PTPRK: variants seen among roughly 807,000 people sequenced by gnomAD.
The protein encoded by PTPRK is receptor-type tyrosine-protein phosphatase kappa.
A neutral mutation model predicts 178.0 loss-of-function variants in PTPRK; 75 were observed. The ratio of observed to expected loss-of-function variants is 0.42; its 90% CI spans 0.35 to 0.51. The LOEUF (loss-of-function observed/expected upper bound fraction) is 0.51. Among genes scored for constraint, PTPRK ranks in the 20% least tolerant of loss-of-function variants. PTPRK has a pLI of 0.02. For synonymous variants in PTPRK, 637 were observed against 620.6 expected (o/e 1.03, Z -0.39); for missense variants, 1,441 against 1,797.8 (o/e 0.80, Z 3.59).
At chr6:128,393,762 T>C (rs1839929331) in intron 2 of PTPRK, among the ~76,000 whole-genome samples, 3 of 152,224 alleles carry the variant, frequency 2.0e-5, no homozygotes, top group Admixed American at 1.3e-4. Context: ...TTTATATCTT[T>C]TGTTCTAATC....
intron 6 of PTPRK, among the ~76,000 whole-genome samples, chr6:128,200,275 T>C (rs1805673923): frequency 6.6e-6 from 1 of 152,198 alleles, no homozygotes; most frequent in South Asian, 2.1e-4. Flanking sequence ...AACATCTCTC[T>C]AGGTAAGGTA....
intron 2 of PTPRK, among the ~76,000 whole-genome samples, chr6:128,345,931 A>G (rs79627535): frequency 0.038 from 5,763 of 152,266 alleles, 383 homozygotes; most frequent in African/African-American, 0.13. Flanking sequence ...ACTACAAAGG[A>G]AAGTGGTAGG....
intron 3 of PTPRK, among the ~76,000 whole-genome samples, chr6:128,309,900 T>TTA (rs1826981853): frequency 6.6e-6 from 1 of 152,000 alleles, no homozygotes. Flanking sequence ...ATCTCCCTTA[T>TTA]CCACTGTCTT....
chr6:128,186,038 T>C (rs2114702802), intron 6 of PTPRK, among the ~76,000 whole-genome samples: 1 of 152,218 alleles, frequency 6.6e-6, no homozygotes. Flanking sequence ...AATAAGATTA[T>C]CTGGTCTGTA....
At chr6:128,181,208 G>A (rs897603190) in intron 7 of PTPRK, among the ~76,000 whole-genome samples, 1 of 151,772 alleles carries the variant, frequency 6.6e-6, no homozygotes, top group Non-Finnish European at 1.5e-5. Flanking sequence ...TGACTTGCTG[G>A]AAAATTATTT....
At chr6:128,258,524 T>C (rs1817687586) in intron 3 of PTPRK, among the ~76,000 whole-genome samples, 1 of 152,216 alleles carries the variant, frequency 6.6e-6, no homozygotes, top group Non-Finnish European at 1.5e-5. Flanking sequence ...ACTTTTTTCA[T>C]TGTATATGTA....
At chr6:128,131,958 T>C (rs1190286040) in intron 7 of PTPRK, among the ~76,000 whole-genome samples, 1 of 152,142 alleles carries the variant, frequency 6.6e-6, no homozygotes, top group Non-Finnish European at 1.5e-5. Context: ...TTTAAACAAA[T>C]TAGTCCCATT....
At chr6:128,339,006 T>C (rs904036380) in intron 2 of PTPRK, among the ~76,000 whole-genome samples, 2 of 152,188 alleles carry the variant, frequency 1.3e-5, no homozygotes, top group African/African-American at 4.8e-5. Context: ...AATGCTATTA[T>C]GTTTTTTGCT....
At chr6:128,248,543 A>T (rs1373799585) in intron 3 of PTPRK, among the ~76,000 whole-genome samples, 1 of 152,180 alleles carries the variant, frequency 6.6e-6, no homozygotes, top group Non-Finnish European at 1.5e-5. Context: ...CTTATTAATA[A>T]AAGAGTATCT....
intron 6 of PTPRK, among the ~76,000 whole-genome samples, chr6:128,197,111 T>C (rs1212384685): frequency 2.0e-5 from 3 of 152,078 alleles, no homozygotes; most frequent in African/African-American, 7.2e-5. Context: ...GAGATCTCCA[T>C]ATTGTAACTG....
chr6:128,132,456 G>T (rs973798239), intron 7 of PTPRK, among the ~76,000 whole-genome samples: 1 of 152,234 alleles, frequency 6.6e-6, no homozygotes, highest in African/African-American at 2.4e-5. Context: ...ATAGGCGTAA[G>T]CCACAGCGCC....
chr6:128,161,131 G>C (rs939004953), intron 7 of PTPRK, among the ~76,000 whole-genome samples: 1 of 151,584 alleles, frequency 6.6e-6, no homozygotes, highest in Non-Finnish European at 1.5e-5. Context: ...CAACTTCTTA[G>C]CCCATGTTTA....
At chr6:128,363,735 C>T (rs1326082155) in intron 2 of PTPRK, among the ~76,000 whole-genome samples, 4 of 152,132 alleles carry the variant, frequency 2.6e-5, no homozygotes, top group African/African-American at 7.2e-5. Context: ...CAAATCATAG[C>T]TAAGTAAAAA....
chr6:128,188,102 G>T (rs184115530), intron 6 of PTPRK, among the ~76,000 whole-genome samples: 2 of 152,216 alleles, frequency 1.3e-5, no homozygotes, highest in African/African-American at 2.4e-5. Context: ...TGTACAGGAG[G>T]TATCAAATGA....
intron 3 of PTPRK, among the ~76,000 whole-genome samples, chr6:128,309,767 A>AT (rs951536777): frequency 1.4e-4 from 20 of 142,366 alleles, no homozygotes; most frequent in African/African-American, 4.0e-4. Flanking sequence ...AGATATTCTG[A>AT]TTTTTTTTAT....
At position 128,089,615 on chromosome 6, in the gene PTPRK, T is replaced by C. The variant is rs931810904; in HGVS notation, c.1465+75A>G. 1.5e-5 allele frequency: 21 copies of C among 1,388,414 alleles called. No individual in the cohort carries two copies. The South Asian group carries it at 2.2e-4, about 14-fold the overall frequency. The allele number at this position is 1,388,414 out of a possible 1,614,324, so 86.0% of individuals were successfully genotyped here. A position where few individuals can be genotyped will look rare whatever the true frequency, so the allele number is the denominator to read the frequency against. On this transcript the variant is annotated intron_variant, in intron 8 of 29. Coordinates refer to ENST00000368226, the MANE Select transcript of PTPRK (RefSeq NM_002844.4). Reference sequence around the variant, plus strand: ...AATCCAATTCAGTATTGGACAATCTTAGGAAAATCTTAAAGTAATCACATT... The same window carrying C: ...AATCCAATTCAGTATTGGACAATCTCAGGAAAATCTTAAAGTAATCACATT...
chr6:128,194,269 G>A (rs527702493), intron 6 of PTPRK, among the ~76,000 whole-genome samples: 42 of 151,550 alleles, frequency 2.8e-4, no homozygotes, highest in African/African-American at 8.9e-4. Context: ...TGTATTTTTC[G>A]TACAGACGGG....
In PTPRK at chr6:128,322,039, C is replaced by T; in HGVS notation, c.495G>A (p.Gln165=). The change falls in exon 3 of 30, where the codon CAG becomes CAA. Residue 165 remains glutamine, a splice_region_variant and synonymous_variant. Transcript: ENST00000368226. ...ACACCAGAAAAGTACAGATGATTACCTGATATTCATTGGGCCAAAAGGTGC... is the reference window on the plus strand; with the variant it reads ...ACACCAGAAAAGTACAGATGATTACTTGATATTCATTGGGCCAAAAGGTGC... ...AVSTFWPNEY[Q]VIFEAEVSGG... is the part of the protein sequence containing the mutation. 6.2e-7 allele frequency: 1 copy of T among 1,613,756 alleles called. No homozygotes were observed.
intron 13 of PTPRK, among the ~76,000 whole-genome samples, chr6:128,058,705 C>T (rs1780313466): frequency 6.6e-6 from 1 of 151,588 alleles, no homozygotes; most frequent in African/African-American, 2.4e-5. Flanking sequence ...AAATCCTTGC[C>T]TATTATTTTT....
Sources: gnomAD v4.1 joint callset for allele counts (sites outside exome capture counted in the v4.1 genomes callset) on GRCh38, gnomAD v4.1.1 for gene constraint, MANE v1.5 for transcripts, NCBI Gene and HGNC (gene_info 2026-07-23, HGNC 2026-07-21) for gene names.